Variants in LINGO2 observed in about 807,000 individuals in gnomAD.
LINGO2 encodes leucine rich repeat and Ig domain containing 2.
In LINGO2, 14 loss-of-function variants were observed where a neutral mutation model predicts 30.6. The ratio of observed to expected loss-of-function variants is 0.46; its 90% CI spans 0.30 to 0.72. LINGO2 has a LOEUF of 0.72. Among genes scored for constraint, LINGO2 ranks in the 30% least tolerant of loss-of-function variants. LINGO2 has a pLI of 0.07. For synonymous variants in LINGO2, 317 were observed against 288.5 expected, an observed-to-expected ratio of 1.10 and a Z score of -1.00; for missense variants, 729 against 751.7, an observed-to-expected ratio of 0.97 and a Z score of 0.35.
At chr9:28,800,543 T>A in the LINGO2 span, among the ~76,000 whole-genome samples, 1 of 152,036 alleles carries the variant, frequency 6.6e-6, no homozygotes, top group African/African-American at 2.4e-5. Flanking sequence ...CTACTTATAA[T>A]CAATTCTCTA....
the LINGO2 span, among the ~76,000 whole-genome samples, chr9:28,995,843 G>A: frequency 6.6e-6 from 1 of 151,502 alleles, no homozygotes; most frequent in Non-Finnish European, 1.5e-5. Flanking sequence ...ACACAGGAAG[G>A]GGAACATCAC....
chr9:28,226,148 T>C (rs79785441), intron 4 of LINGO2, among the ~76,000 whole-genome samples: 2,144 of 152,290 alleles, frequency 0.014, 50 homozygotes, highest in African/African-American at 0.049. Flanking sequence ...ATATATCTCA[T>C]TGGAGATTTA....
the LINGO2 span, among the ~76,000 whole-genome samples, chr9:28,931,237 A>G: frequency 6.6e-6 from 1 of 152,236 alleles, no homozygotes; most frequent in Non-Finnish European, 1.5e-5. Context: ...AGTTTTGAGT[A>G]CGTGAAAACC....
At chr9:28,920,343 C>T in the LINGO2 span, among the ~76,000 whole-genome samples, 1 of 151,842 alleles carries the variant, frequency 6.6e-6, no homozygotes, top group African/African-American at 2.4e-5. Context: ...CTCAGCTTTG[C>T]TATTAATATA....
chr9:28,916,236 C>A, the LINGO2 span, among the ~76,000 whole-genome samples: 112 of 152,218 alleles, frequency 7.4e-4, no homozygotes, highest in Admixed American at 1.3e-3. Context: ...GTATTTCACC[C>A]CCGAATTTGT....
At chr9:28,505,767 T>C (rs1451726509) in intron 1 of LINGO2, among the ~76,000 whole-genome samples, 2 of 151,910 alleles carry the variant, frequency 1.3e-5, no homozygotes, top group Non-Finnish European at 2.9e-5. Flanking sequence ...AAAATCAGTC[T>C]AATTTTCATA....
chr9:28,471,290 T>C (rs1224767013), intron 2 of LINGO2, among the ~76,000 whole-genome samples: 1 of 152,182 alleles, frequency 6.6e-6, no homozygotes, highest in Non-Finnish European at 1.5e-5. Context: ...TACTGTGTCA[T>C]AACATGGTAG....
chr9:28,567,400 T>C (rs1251546937), intron 1 of LINGO2, among the ~76,000 whole-genome samples: 1 of 152,008 alleles, frequency 6.6e-6, no homozygotes, highest in African/African-American at 2.4e-5. Context: ...AACCTAAGGG[T>C]CCATCAACAG....
rs16913132 is a variant in LINGO2, at chr9:28,456,094, T to C, written c.-279+19846A>G. On this transcript the variant is annotated intron_variant, in intron 2 of 5. Coordinates refer to ENST00000379992, the Ensembl canonical transcript of LINGO2. ...ACATTTTTTAACCTGTTATGGTTAGTAATTTTTGAGTGTTTATCTTATGCT... is the reference window on the plus strand; with the variant it reads ...ACATTTTTTAACCTGTTATGGTTAGCAATTTTTGAGTGTTTATCTTATGCT... Among the ~76,000 whole-genome samples the C allele has an allele frequency of 6.5e-3, 993 of 152,320 alleles. 42 individuals are homozygous for C. In the East Asian group the frequency reaches 0.095, roughly 15 times the overall value.
intron 5 of LINGO2, among the ~76,000 whole-genome samples, chr9:27,985,728 C>A (rs572824694): frequency 6.6e-6 from 1 of 151,144 alleles, no homozygotes; most frequent in Non-Finnish European, 1.5e-5. Flanking sequence ...GTAGCCTAAA[C>A]AAGCAAAATC....
At chr9:28,005,810 G>A (rs1191624869) in intron 5 of LINGO2, among the ~76,000 whole-genome samples, 1 of 149,160 alleles carries the variant, frequency 6.7e-6, no homozygotes, top group Non-Finnish European at 1.5e-5. Flanking sequence ...AGACAGAGCA[G>A]AGGAGAAACA....
chr9:29,142,989 T>C, the LINGO2 span, among the ~76,000 whole-genome samples: 1 of 151,946 alleles, frequency 6.6e-6, no homozygotes, highest in Admixed American at 6.6e-5. Flanking sequence ...CAGTGGAATT[T>C]TAATTCTCTA....
chr9:28,789,746 T>C, the LINGO2 span, among the ~76,000 whole-genome samples: 1 of 151,940 alleles, frequency 6.6e-6, no homozygotes, highest in Non-Finnish European at 1.5e-5. Context: ...TCAAGAGAGG[T>C]GAGAAAGCAT....
At chr9:28,716,120 G>A in the LINGO2 span, among the ~76,000 whole-genome samples, 1 of 150,906 alleles carries the variant, frequency 6.6e-6, no homozygotes, top group African/African-American at 2.4e-5. Flanking sequence ...CCATTCTCCT[G>A]TTTCTGTACA....
At chr9:28,504,691 A>C (rs1196233356) in intron 1 of LINGO2, among the ~76,000 whole-genome samples, 1 of 151,710 alleles carries the variant, frequency 6.6e-6, no homozygotes, top group Admixed American at 6.6e-5. Context: ...ATATATTAAA[A>C]TTTTAATATT....
the LINGO2 span, among the ~76,000 whole-genome samples, chr9:28,773,972 A>C: frequency 6.6e-6 from 1 of 151,974 alleles, no homozygotes; most frequent in Non-Finnish European, 1.5e-5. Context: ...AAATATAAGC[A>C]AGGTTAAACT....
At chr9:28,870,884 A>C in the LINGO2 span, among the ~76,000 whole-genome samples, 2 of 152,086 alleles carry the variant, frequency 1.3e-5, no homozygotes, top group Non-Finnish European at 2.9e-5. Flanking sequence ...GCAATAATTA[A>C]AACATGTATC....
At chr9:28,846,388 T>TAAA in the LINGO2 span, among the ~76,000 whole-genome samples, 1 of 149,562 alleles carries the variant, frequency 6.7e-6, no homozygotes, top group Admixed American at 6.6e-5. Flanking sequence ...TTTAGAATGC[T>TAAA]TTTGCCATAA....
intron 1 of LINGO2, among the ~76,000 whole-genome samples, chr9:28,593,760 A>G (rs1475171034): frequency 6.6e-6 from 1 of 152,066 alleles, no homozygotes; most frequent in Non-Finnish European, 1.5e-5. Flanking sequence ...GGGTTGAACC[A>G]CTGCAATGTG....
Sources: allele counts gnomAD v4.1 joint callset (sites outside exome capture counted in the v4.1 genomes callset), GRCh38; gene constraint gnomAD v4.1.1; transcripts MANE v1.5; gene names NCBI Gene and HGNC (gene_info 2026-07-23, HGNC 2026-07-21).